The following ADAMTS14 variants were observed in gnomAD, a reference collection of about 807,000 sequenced individuals.
ADAMTS14 encodes A disintegrin and metalloproteinase with thrombospondin motifs 14.
Under a neutral mutation model 128.6 loss-of-function variants are expected in ADAMTS14, and 100 were observed. The ratio of observed to expected loss-of-function variants is 0.78; its 90% CI spans 0.66 to 0.92. ADAMTS14 has a LOEUF of 0.92. ADAMTS14 is among the 40% of genes least tolerant of loss of function. ADAMTS14 has a pLI of 0.00. For missense variants in ADAMTS14, 1,562 were observed against 1,658.6 expected, an observed-to-expected ratio of 0.94 and a Z score of 1.01; for synonymous variants, 665 against 653.8, an observed-to-expected ratio of 1.02 and a Z score of -0.26.
chr10:70,693,823 A>G (rs1309516253), intron 2 of ADAMTS14, among the ~76,000 whole-genome samples: 2 of 152,210 alleles, frequency 1.3e-5, no homozygotes, highest in Non-Finnish European at 2.9e-5. Context: ...TGGTCATCCC[A>G]GATAACTCTC....
At chr10:70,734,665 T>C (rs990135083) in intron 8 of ADAMTS14, among the ~76,000 whole-genome samples, 1 of 152,194 alleles carries the variant, frequency 6.6e-6, no homozygotes. Flanking sequence ...ACTCAGGACC[T>C]TGAGGCCTGA....
In ADAMTS14 at chr10:70,760,661, A is replaced by G. The variant is rs776747175; in HGVS notation, c.3480A>G (p.Pro1160=). ...QLPGALDTSS[P]GTQHPFAPET... ...CAGGAGCTCTGGATACAAGCTCCCC[A>G]GGGACCCAGCATCCCTTTGCCCCTG... Residue 1160 remains proline, a synonymous_variant, in exon 22 of 22, where the codon CCA becomes CCG. Coordinates refer to ENST00000373207, the MANE Select transcript of ADAMTS14 (RefSeq NM_080722.4). 1.2e-6 allele frequency: 2 copies of G among 1,614,024 alleles called. No homozygotes were observed. Among genetic ancestry groups the G allele is most frequent in the Non-Finnish European group, 1.7e-6 (2 of 1,180,012 alleles).
intron 2 of ADAMTS14, among the ~76,000 whole-genome samples, chr10:70,684,428 T>C (rs1232577883): frequency 6.6e-6 from 1 of 152,170 alleles, no homozygotes; most frequent in Non-Finnish European, 1.5e-5. Flanking sequence ...AGTGGGGAAA[T>C]GGACTCTTCC....
chr10:70,733,784 G>A (rs1841727966), intron 7 of ADAMTS14, 101 bp from the exon 8 acceptor site: 4 of 1,424,432 alleles, frequency 2.8e-6, no homozygotes, highest in East Asian at 4.8e-5. Context: ...TCTGAGCTCC[G>A]GGTCAGGTCA....
chr10:70,685,628 G>T (rs112052354), intron 2 of ADAMTS14, among the ~76,000 whole-genome samples: 2 of 152,138 alleles, frequency 1.3e-5, no homozygotes, highest in Admixed American at 6.5e-5. Context: ...GTCAGGGCAC[G>T]CAAGGACCAA....
At chr10:70,747,168 C>T (rs1011653501) in intron 15 of ADAMTS14, among the ~76,000 whole-genome samples, 1 of 152,148 alleles carries the variant, frequency 6.6e-6, no homozygotes, top group Non-Finnish European at 1.5e-5. Context: ...TGGCACCTCC[C>T]CTTAACACAG....
intron 2 of ADAMTS14, among the ~76,000 whole-genome samples, chr10:70,677,638 T>A (rs1839685810): frequency 6.6e-6 from 1 of 152,132 alleles, no homozygotes; most frequent in South Asian, 2.1e-4. Context: ...GACCACAACA[T>A]GTACCCTGGC....
At position 70,678,559 on chromosome 10, in the gene ADAMTS14, T is replaced by G. The variant is rs545273036; in HGVS notation, c.522+3564T>G. Among the ~76,000 whole-genome samples, 6 of 151,502 alleles carry G rather than the reference T, an allele frequency of 4.0e-5. No individual in the cohort carries two copies. The South Asian group carries it at 1.3e-3, about 32-fold the overall frequency. On this transcript the variant is annotated intron_variant, in intron 2 of 21. Transcript: ENST00000373207. ...GTTGGGCAGAGGAAGGAGCACCATG[T>G]CAGGTGGGGCTGGGGAGTGGACCCT... is the stretch of plus-strand genomic sequence containing the variant.
Position 70,736,789 on chromosome 10 carries a change from G to A in ADAMTS14, c.1595G>A (p.Gly532Asp), listed in dbSNP as rs769719791. 1 of 1,613,398 alleles carries A rather than the reference G, an allele frequency of 6.2e-7. No homozygotes were observed. Among genetic ancestry groups the A allele is most frequent in the South Asian group, 1.1e-5 (1 of 91,020 alleles). The part of the protein sequence containing the change: ...PPLDGTECAP[G>D]KWCFKGHCIW... ...CTGGATGGGACTGAGTGTGCACCCG[G>A]CAAGGTACCTGTGGGGTGTGCAGCA... is the stretch of plus-strand genomic sequence containing the variant. The change falls in exon 10 of 22, where the codon GGC becomes GAC. Residue 532 changes from glycine to aspartate, a missense_variant. Coordinates refer to ENST00000373207, the MANE Select transcript of ADAMTS14 (RefSeq NM_080722.4).
Position 70,733,979 on chromosome 10 carries a change from C to A in ADAMTS14, c.1303C>A (p.Arg435Ser), listed in dbSNP as rs558796684. 4.3e-6 allele frequency: 7 copies of A among 1,613,758 alleles called. No homozygotes were observed. The highest frequency in any genetic ancestry group is 5.9e-6 in the Non-Finnish European group (7 of 1,180,018). Residue 435 changes from arginine (R) to serine (S), a missense_variant, in exon 8 of 22, where the codon CGC becomes AGC. Transcript: ENST00000373207. ...MAPLVQAAFHRFHWSRCSKLE... is the reference protein window; with the variant it reads ...MAPLVQAAFHSFHWSRCSKLE... Reference sequence around the variant, plus strand: ...GCCCCTGGTGCAGGCTGCCTTCCACCGCTTCCATTGGTCCCGCTGCAGCAA... The same window carrying A: ...GCCCCTGGTGCAGGCTGCCTTCCACAGCTTCCATTGGTCCCGCTGCAGCAA...
In ADAMTS14 at chr10:70,735,408, G is replaced by A. The variant is rs1841795467; in HGVS notation, c.1485+107G>A. ...TGCCTTCTGCCCAGCTGGCCAGTGG[G>A]CCTGGTGATGGGCCCACAGACACAG... On this transcript the variant is annotated intron_variant, in intron 9 of 21. Coordinates refer to ENST00000373207, the MANE Select transcript of ADAMTS14 (RefSeq NM_080722.4). 7 of 1,448,304 alleles carry A rather than the reference G, an allele frequency of 4.8e-6. No homozygotes were observed. The South Asian group carries it at 9.9e-5, about 20-fold the overall frequency. 89.7% of individuals were successfully genotyped at this position (1,448,304 alleles called of 1,614,324 possible).
intron 9 of ADAMTS14, 68 bp downstream of exon 9, chr10:70,735,369 G>T: frequency 6.4e-7 from 1 of 1,570,126 alleles, no homozygotes. Flanking sequence ...GGCCCATGCT[G>T]ACCATTCATG....
At chr10:70,701,175 C>G (rs929116182) in intron 2 of ADAMTS14, among the ~76,000 whole-genome samples, 7 of 152,192 alleles carry the variant, frequency 4.6e-5, no homozygotes, top group Admixed American at 4.6e-4. Context: ...TTCAGTCGGA[C>G]TTGGAGGGGG....
chr10:70,747,030 C>T (rs1462134457), intron 15 of ADAMTS14, among the ~76,000 whole-genome samples: 1 of 152,154 alleles, frequency 6.6e-6, no homozygotes, highest in South Asian at 2.1e-4. Flanking sequence ...AAACACATAT[C>T]TCTTGGCAGG....
At chr10:70,717,762 G>T (rs1353373884) in intron 4 of ADAMTS14, among the ~76,000 whole-genome samples, 1 of 152,188 alleles carries the variant, frequency 6.6e-6, no homozygotes, top group Non-Finnish European at 1.5e-5. Context: ...CTTCCAGTCT[G>T]TTTCCTCTAG....
intron 5 of ADAMTS14, 108 bp downstream of exon 5, chr10:70,729,485 T>C (rs1167311456): frequency 3.1e-6 from 3 of 958,388 alleles, no homozygotes; most frequent in Non-Finnish European, 5.0e-6. Flanking sequence ...AGGAATCTGT[T>C]TCCAGAATCA....
chr10:70,677,874 C>T lies in ADAMTS14; in HGVS notation c.522+2879C>T, dbSNP rs551671406. 9.8e-5 allele frequency among the ~76,000 whole-genome samples: 15 copies of T among 152,310 alleles called. No homozygotes were observed. The South Asian group carries it at 2.3e-3, about 23-fold the overall frequency. ...AGCTCACCTTTGGACTCAAAGGCCA[C>T]GGTGTAGCATTTCTGATAAGATTGA... On this transcript the variant is annotated intron_variant, in intron 2 of 21. Transcript: ENST00000373207.
intron 3 of ADAMTS14, among the ~76,000 whole-genome samples, chr10:70,703,404 G>T (rs567863421): frequency 6.6e-6 from 1 of 152,376 alleles, no homozygotes; most frequent in South Asian, 2.1e-4. Flanking sequence ...CCTGGTGTGA[G>T]AAATGCCTGG....
At chr10:70,706,869 C>A (rs369516540) in intron 3 of ADAMTS14, among the ~76,000 whole-genome samples, 13 of 152,246 alleles carry the variant, frequency 8.5e-5, no homozygotes, top group African/African-American at 2.9e-4. Flanking sequence ...AGCGTAGAGG[C>A]GGCTCGGGTC....
Sources: allele counts gnomAD v4.1 joint callset (sites outside exome capture counted in the v4.1 genomes callset), GRCh38; gene constraint gnomAD v4.1.1; transcripts MANE v1.5; gene names NCBI Gene and HGNC (gene_info 2026-07-23, HGNC 2026-07-21).